Variants in SUCLG1 observed in about 807,000 individuals in gnomAD.
SUCLG1 encodes succinate-CoA ligase GDP/ADP-forming subunit alpha.
In SUCLG1, 26 loss-of-function variants were observed where a neutral mutation model predicts 37.3. The ratio of observed to expected loss-of-function variants is 0.70; its 90% CI spans 0.51 to 0.97. The LOEUF is 0.97. Among genes scored for constraint, SUCLG1 ranks in the 50% least tolerant of loss-of-function variants. The probability of loss-of-function intolerance (pLI) is 0.00; values close to 1 mark genes in which losing one functional copy is unlikely to be tolerated. For synonymous variants in SUCLG1, 163 were observed against 155.6 expected, an observed-to-expected ratio of 1.05 and a Z score of -0.36; for missense variants, 433 against 432.9, an observed-to-expected ratio of 1.00 and a Z score of 0.00.
intron 5 of SUCLG1, among the ~76,000 whole-genome samples, chr2:84,439,189 T>TA (rs748791525): frequency 1.6e-3 from 225 of 139,812 alleles, no homozygotes; most frequent in East Asian, 3.3e-3. Context: ...TTCTTTTTTT[T>TA]AAAAAAAAAA....
rs949898726 is a variant in SUCLG1, at chr2:84,459,225, G to A, written c.45C>T (p.Val15=). 6.4e-7 allele frequency: 1 copy of A among 1,550,470 alleles called. No individual in the cohort carries two copies. Residue 15 remains valine (V), a synonymous_variant, in exon 1 of 9, where the codon GTC becomes GTT. Coordinates refer to ENST00000393868, the MANE Select transcript of SUCLG1 (RefSeq NM_003849.4). ...CGGCGGCGAGGCCGCTGCTGCCGGA[G>A]ACCATGGTAGCGATGTCAGCGGCAG... ...LAAAADIATM[V]SGSSGLAAAR... is the part of the protein sequence containing the mutation.
chr2:84,445,350 C>T (rs1295898924), intron 2 of SUCLG1, among the ~76,000 whole-genome samples: 2 of 152,144 alleles, frequency 1.3e-5, no homozygotes, highest in East Asian at 3.8e-4. Flanking sequence ...AAATTCATGC[C>T]CTTGGTGATG....
intron 7 of SUCLG1, among the ~76,000 whole-genome samples, chr2:84,430,605 T>C (rs1217321966): frequency 6.6e-6 from 1 of 152,214 alleles, no homozygotes; most frequent in Admixed American, 6.5e-5. Flanking sequence ...CTGTACATGA[T>C]ATTATTGGTT....
chr2:84,459,058 C>A, intron 1 of SUCLG1, 115 bp downstream of exon 1: 1 of 1,103,402 alleles, frequency 9.1e-7, no homozygotes, highest in South Asian at 1.7e-5. Flanking sequence ...AAGCGGCTCC[C>A]AGGCCCCCGC....
intron 1 of SUCLG1, among the ~76,000 whole-genome samples, chr2:84,450,469 G>A (rs957675578): frequency 6.8e-6 from 1 of 147,674 alleles, no homozygotes; most frequent in Non-Finnish European, 1.5e-5. Flanking sequence ...AAGAGAAATT[G>A]AGAAATCTAA....
intron 1 of SUCLG1, among the ~76,000 whole-genome samples, chr2:84,451,584 A>G (rs1558614914): frequency 6.6e-6 from 1 of 152,226 alleles, no homozygotes. Flanking sequence ...TAGTAACTCC[A>G]GATCTCCTGG....
chr2:84,455,499 A>AC (rs111976216), intron 1 of SUCLG1, among the ~76,000 whole-genome samples: 46 of 151,598 alleles, frequency 3.0e-4, no homozygotes, highest in African/African-American at 1.1e-3. Context: ...TGTCTCAAAA[A>AC]AAACATATAT....
At chr2:84,436,277 T>C in intron 5 of SUCLG1, among the ~76,000 whole-genome samples, 1 of 152,368 alleles carries the variant, frequency 6.6e-6, no homozygotes, top group South Asian at 2.1e-4. Context: ...AGAATTATAT[T>C]AAAATCATAA....
rs1477378759 is a variant in SUCLG1, at chr2:84,448,191, C to CAAAAA, written c.201+1453_201+1457dup. ...TTCAGAAAAAAAAAAAAACAAAAAACAAAAAACAAAAAGCAAAAGGACCAT... is the reference window on the plus strand; with the variant it reads ...TTCAGAAAAAAAAAAAAACAAAAAACAAAAAAAAAAACAAAAAGCAAAAGGACCAT... On this transcript the variant is annotated intron_variant, in intron 2 of 8. Transcript: ENST00000393868. 4.8e-3 allele frequency among the ~76,000 whole-genome samples: 668 copies of CAAAAA among 139,868 alleles called. 3 individuals carry two copies. Among genetic ancestry groups the CAAAAA allele is most frequent in the African/African-American group, 0.018 (599 of 33,860 alleles). The allele number at this position is 139,868 out of a possible 152,430, so 91.8% of individuals were successfully genotyped here.
At chr2:84,423,876 A>G in intron 8 of SUCLG1, 104 bp from the exon 9 acceptor site, 2 of 1,220,804 alleles carry the variant, frequency 1.6e-6, no homozygotes, top group Non-Finnish European at 2.3e-6. Flanking sequence ...TATCTTTAGG[A>G]TCCCCTGAAC....
intron 5 of SUCLG1, among the ~76,000 whole-genome samples, chr2:84,434,377 A>C (rs766809802): frequency 1.3e-5 from 2 of 152,166 alleles, no homozygotes; most frequent in Non-Finnish European, 2.9e-5. Flanking sequence ...ATCCCTCTGG[A>C]ATCAAGTCTC....
Position 84,452,905 on chromosome 2 carries a change from T to C in SUCLG1, c.98-3153A>G, listed in dbSNP as rs1262261072. ...GCTAAACACCATAAGGTTCGTCTCT[T>C]TTTCGGTGAGTTGGAAAAAGTCAAT... On this transcript the variant is annotated intron_variant, in intron 1 of 8. Coordinates refer to ENST00000393868, the MANE Select transcript of SUCLG1 (RefSeq NM_003849.4). Among the ~76,000 whole-genome samples the C allele has an allele frequency of 2.6e-5, 4 of 152,138 alleles. No homozygotes were observed. In the South Asian group the frequency reaches 8.3e-4, roughly 31 times the overall value.
chr2:84,442,849 C>T (rs1255152035), intron 3 of SUCLG1, among the ~76,000 whole-genome samples: 3 of 152,162 alleles, frequency 2.0e-5, no homozygotes, highest in African/African-American at 7.2e-5. Flanking sequence ...TCTCTAACCT[C>T]TTTGCACTAG....
intron 7 of SUCLG1, among the ~76,000 whole-genome samples, chr2:84,429,356 C>T (rs1672582292): frequency 1.3e-5 from 2 of 151,966 alleles, no homozygotes; most frequent in African/African-American, 4.8e-5. Flanking sequence ...CTGTATTAAC[C>T]GAAACTTTTT....
chr2:84,431,589 G>A lies in SUCLG1; in HGVS notation c.744C>T (p.Ala248=), dbSNP rs1268871124. 1 of 1,613,764 alleles carries A rather than the reference G, an allele frequency of 6.2e-7. No homozygotes were observed. Among genetic ancestry groups the A allele is most frequent in the African/African-American group, 1.3e-5 (1 of 74,860 alleles). The stretch of plus-strand genomic sequence containing the variant: ...CACCAATCAATATGATGCCTTCTGT[G>A]GCAGAATCGTTCAAAAAGATTTCGA... ...DCLEIFLNDS[A]TEGIILIGEI... The change falls in exon 7 of 9, where the codon GCC becomes GCT. Residue 248 remains alanine, a synonymous_variant. Coordinates refer to ENST00000393868, the MANE Select transcript of SUCLG1 (RefSeq NM_003849.4).
rs138499587 is a variant in SUCLG1 at position 84,451,891 on chromosome 2, G to A, written c.98-2139C>T. On this transcript the variant is annotated intron_variant, in intron 1 of 8. Coordinates refer to ENST00000393868, the MANE Select transcript of SUCLG1 (RefSeq NM_003849.4). ...AAGCTGGAACTAACAGACTATTATCGTCTTACAGGCAAATCCAAGAAATGT... is the reference window on the plus strand; with the variant it reads ...AAGCTGGAACTAACAGACTATTATCATCTTACAGGCAAATCCAAGAAATGT... Among the ~76,000 whole-genome samples, 14 of 152,240 alleles carry A rather than the reference G, an allele frequency of 9.2e-5. No homozygotes were observed. The East Asian group carries it at 2.1e-3, about 23-fold the overall frequency.
chr2:84,454,429 A>G (rs968356127), intron 1 of SUCLG1, among the ~76,000 whole-genome samples: 1 of 152,240 alleles, frequency 6.6e-6, no homozygotes, highest in Non-Finnish European at 1.5e-5. Context: ...AAACAGATAC[A>G]GCAAGTGTTA....
chr2:84,446,099 TAAC>T (rs967451455), intron 2 of SUCLG1, among the ~76,000 whole-genome samples: 12 of 152,242 alleles, frequency 7.9e-5, no homozygotes, highest in Admixed American at 7.2e-4. Flanking sequence ...TACATCTCCT[TAAC>T]ATCTTAGTTC....
At chr2:84,453,698 G>A (rs996785894) in intron 1 of SUCLG1, among the ~76,000 whole-genome samples, 20 of 152,140 alleles carry the variant, frequency 1.3e-4, no homozygotes, top group Non-Finnish European at 2.5e-4. Context: ...ATTACAGGCA[G>A]GAGCCACCAT....
Sources: gnomAD v4.1 joint callset for allele counts (sites outside exome capture counted in the v4.1 genomes callset) on GRCh38, gnomAD v4.1.1 for gene constraint, MANE v1.5 for transcripts, NCBI Gene and HGNC (gene_info 2026-07-23, HGNC 2026-07-21) for gene names.